The following ANKMY1 variants were observed in gnomAD, a reference collection of about 807,000 sequenced individuals.
ANKMY1 encodes ankyrin repeat and MYND domain-containing protein 1.
Under a neutral mutation model 102.0 loss-of-function variants are expected in ANKMY1, and 98 were observed. The observed-to-expected ratio is 0.96, with a 90% confidence interval of 0.82 to 1.14. The LOEUF is 1.14. ANKMY1 is among the 50% of genes most tolerant of loss of function. ANKMY1 has a pLI of 0.00. For missense variants in ANKMY1, 1,330 were observed against 1,347.6 expected (o/e 0.99, Z 0.20); for synonymous variants, 582 against 559.9 (o/e 1.04, Z -0.56).
At chr2:240,483,895 C>T (rs556548730) in intron 15 of ANKMY1, among the ~76,000 whole-genome samples, 4 of 152,256 alleles carry the variant, frequency 2.6e-5, no homozygotes, top group South Asian at 4.2e-4. Context: ...TCCATATGTC[C>T]TCATTGTTCA....
intron 16 of ANKMY1, 21 bp downstream of exon 16, chr2:240,482,162 C>G (rs1425521731): frequency 6.2e-7 from 1 of 1,610,638 alleles, no homozygotes. Flanking sequence ...TGGAAAGAAC[C>G]CAGCCTGCAG....
Position 240,553,068 on chromosome 2 carries a change from G to A in ANKMY1, c.337-11C>T, listed in dbSNP as rs1342599994. On this transcript the variant is annotated splice_polypyrimidine_tract_variant and intron_variant, in intron 3 of 17. Coordinates refer to ENST00000401804, the MANE Select transcript of ANKMY1 (RefSeq NM_001282771.3). ...CTGCCCATGGTATGACTGTGAGATG[G>A]AGAAGTTGGTGAGAAATTGCTGCTC... 2 of 1,610,982 alleles carry A rather than the reference G, an allele frequency of 1.2e-6. No individual in the cohort carries two copies. The highest frequency in any genetic ancestry group is 1.7e-6 in the Non-Finnish European group (2 of 1,177,748).
At position 240,524,051 on chromosome 2, in the gene ANKMY1, T is replaced by A. The variant is rs1353274339; in HGVS notation, c.1666A>T (p.Lys556Ter). ...CACACACACACGTTGGACTCAAATT[T>A]CGTCTCAGCACTGCACAGACTGCCC... is the stretch of plus-strand genomic sequence containing the variant. ...DRGSLCSAET[K>*]FESNVCVCDF... The change falls in exon 8 of 18, where the codon AAA becomes TAA. Residue 556 changes from lysine to a stop codon, truncating the protein, a stop_gained. Transcript: ENST00000401804. LOFTEE classifies it high-confidence loss of function. The A allele has an allele frequency of 6.2e-7, 1 of 1,614,014 alleles. No homozygotes were observed. The highest frequency in any genetic ancestry group is 8.5e-7 in the Non-Finnish European group (1 of 1,180,034).
chr2:240,497,238 T>A (rs2077386297), intron 15 of ANKMY1, among the ~76,000 whole-genome samples: 1 of 152,158 alleles, frequency 6.6e-6, no homozygotes, highest in Admixed American at 6.5e-5. Context: ...AGCTGCCACC[T>A]CCTCCCCATC....
chr2:240,471,736 G>A, the ANKMY1 span, among the ~76,000 whole-genome samples: 1 of 152,180 alleles, frequency 6.6e-6, no homozygotes, highest in Non-Finnish European at 1.5e-5. Context: ...CAGGACTCTG[G>A]TAGGAGGCTG....
rs201759543 is a variant in ANKMY1, at chr2:240,520,557, G to T, written c.1833-24C>A. 1 of 1,598,360 alleles carries T rather than the reference G, an allele frequency of 6.3e-7. No individual in the cohort carries two copies. Among genetic ancestry groups the T allele is most frequent in the Admixed American group, 1.7e-5 (1 of 58,662 alleles). On this transcript the variant is annotated intron_variant, in intron 8 of 17. Coordinates refer to ENST00000401804, the MANE Select transcript of ANKMY1 (RefSeq NM_001282771.3). The surrounding 1 kb of genome is among the most constrained non-coding windows in gnomAD (Gnocchi z 4.8). ...GCCTGAAAAAGACGGTGCGCCCGTG[G>T]GCCCCTGGAGGGCAGGCACCTGCAC...
chr2:240,469,116 G>A, the ANKMY1 span, among the ~76,000 whole-genome samples: 3 of 152,338 alleles, frequency 2.0e-5, no homozygotes, highest in South Asian at 2.1e-4. Context: ...TGTGGACAAC[G>A]CATTTGGTCC....
chr2:240,555,973 G>A (rs1168575201), intron 2 of ANKMY1, among the ~76,000 whole-genome samples: 1 of 152,240 alleles, frequency 6.6e-6, no homozygotes, highest in African/African-American at 2.4e-5. Context: ...GTGCAGGGCG[G>A]CCGTCCCTGG....
chr2:240,485,551 A>G (rs1188137408), intron 15 of ANKMY1, among the ~76,000 whole-genome samples: 1 of 152,008 alleles, frequency 6.6e-6, no homozygotes, highest in Non-Finnish European at 1.5e-5. Flanking sequence ...TTCTTTCCTT[A>G]GTGGTCACAT....
chr2:240,518,095 G>A (rs148087990), intron 9 of ANKMY1, among the ~76,000 whole-genome samples: 1 of 152,252 alleles, frequency 6.6e-6, no homozygotes, highest in Non-Finnish European at 1.5e-5. Context: ...ATTGACGAAT[G>A]GGGGGGAAGG....
At chr2:240,528,735 A>C (rs1026916299) in intron 5 of ANKMY1, among the ~76,000 whole-genome samples, 7 of 152,070 alleles carry the variant, frequency 4.6e-5, no homozygotes, top group African/African-American at 1.4e-4. Flanking sequence ...CCCTGGCTGC[A>C]TGTTCACCAA....
At chr2:240,487,288 T>A (rs1243138973) in intron 15 of ANKMY1, among the ~76,000 whole-genome samples, 1 of 152,254 alleles carries the variant, frequency 6.6e-6, no homozygotes. Context: ...GTTCCACTTG[T>A]GTGGCTACAA....
chr2:240,504,461 T>G (rs112875526), intron 13 of ANKMY1, among the ~76,000 whole-genome samples: 2 of 151,952 alleles, frequency 1.3e-5, no homozygotes, highest in Non-Finnish European at 2.9e-5. Context: ...AAAGAAAAAA[T>G]AGACAAGCTG....
intron 13 of ANKMY1, among the ~76,000 whole-genome samples, chr2:240,502,127 G>C (rs1218845305): frequency 6.6e-6 from 1 of 152,048 alleles, no homozygotes; most frequent in Non-Finnish European, 1.5e-5. Flanking sequence ...ATGATGGATC[G>C]ACCTTTCCCT....
rs964059183 is a variant in ANKMY1 at position 240,500,405 on chromosome 2, C to A, written c.2640+47G>T. The A allele has an allele frequency of 5.1e-6, 8 of 1,563,258 alleles. No individual in the cohort carries two copies. The East Asian group carries it at 1.8e-4, about 35-fold the overall frequency. On this transcript the variant is annotated intron_variant, in intron 14 of 17. Coordinates refer to ENST00000401804, the MANE Select transcript of ANKMY1 (RefSeq NM_001282771.3). Reference sequence around the variant, plus strand: ...TAATGCCCCAGCCGGGGGCCCTGCACGTGACCCACACTCCCCCTCCTTCCT... The same window carrying A: ...TAATGCCCCAGCCGGGGGCCCTGCAAGTGACCCACACTCCCCCTCCTTCCT...
At chr2:240,527,169 T>A (rs1274404323) in intron 5 of ANKMY1, 3 of 200,962 alleles carry the variant, frequency 1.5e-5, no homozygotes, top group Non-Finnish European at 2.5e-5. Flanking sequence ...GGTGGGTAGA[T>A]GAATAGATGG....
Position 240,524,329 on chromosome 2 carries a change from G to GTGTCCATAA in ANKMY1, c.1379_1387dup (p.Asp462_Thr463insIleMetAsp), listed in dbSNP as rs1559322424. On this transcript the variant is annotated inframe_insertion, in exon 8 of 18. Coordinates refer to ENST00000401804, the MANE Select transcript of ANKMY1 (RefSeq NM_001282771.3). The stretch of plus-strand genomic sequence containing the variant: ...CTCATAGTACAGAGACTCCAGGTTT[G>GTGTCCATAA]TGTCCATAAATGATGATGAAAGGAT... The GTGTCCATAA allele has an allele frequency of 6.2e-7, 1 of 1,612,458 alleles. No individual in the cohort carries two copies. The highest frequency in any genetic ancestry group is 1.7e-5 in the Admixed American group (1 of 59,920).
chr2:240,484,524 C>T (rs766549452), intron 15 of ANKMY1, among the ~76,000 whole-genome samples: 7 of 152,278 alleles, frequency 4.6e-5, no homozygotes, highest in Non-Finnish European at 7.4e-5. Context: ...AACTGGACCC[C>T]TTCTTTACAC....
chr2:240,509,388 TG>T lies in ANKMY1; in HGVS notation c.2353del (p.His785ThrfsTer16). ...GANPNLLWSG[H>X]SPLSLSIASG... ...GGCAATGGACAGGGAGAGCGGGGAG[TG>T]GCCACTCCACAGCAGGTTAGGATTT... On this transcript the variant is annotated frameshift_variant, in exon 12 of 18. Transcript: ENST00000401804. LOFTEE classifies it high-confidence loss of function. 6.2e-7 allele frequency: 1 copy of T among 1,612,240 alleles called. No homozygotes were observed. Among genetic ancestry groups the T allele is most frequent in the African/African-American group, 1.3e-5 (1 of 74,432 alleles).
Sources: gnomAD v4.1 joint callset for allele counts (sites outside exome capture counted in the v4.1 genomes callset) on GRCh38, gnomAD v4.1.1 for gene constraint, Gnocchi (gnomAD v3.1) non-coding constraint, MANE v1.5 for transcripts, NCBI Gene and HGNC (gene_info 2026-07-23, HGNC 2026-07-21) for gene names.